The following RBFOX1 variants were observed in gnomAD, a reference collection of about 807,000 sequenced individuals.
RBFOX1 encodes the protein RNA binding protein fox-1 homolog 1.
Under a neutral mutation model 57.7 loss-of-function variants are expected in RBFOX1, and 8 were observed. That is an observed-to-expected ratio of 0.14 (90% CI 0.08 to 0.25). RBFOX1 has a LOEUF of 0.25. RBFOX1 is among the 10% of genes least tolerant of loss of function. The pLI is 1.00. For synonymous variants in RBFOX1, 326 were observed against 222.4 expected, an observed-to-expected ratio of 1.47 and a Z score of -4.15; for missense variants, 611 against 548.5, an observed-to-expected ratio of 1.11 and a Z score of -1.14.
chr16:7,608,011 C>G (rs530312426), intron 10 of RBFOX1, among the ~76,000 whole-genome samples: 8 of 152,160 alleles, frequency 5.3e-5, no homozygotes, highest in Non-Finnish European at 1.0e-4. Flanking sequence ...TTTCATGTCT[C>G]GATGTCCTCG....
intron 3 of RBFOX1, among the ~76,000 whole-genome samples, chr16:6,900,753 C>G (rs970748398): frequency 2.6e-5 from 4 of 152,166 alleles, no homozygotes; most frequent in African/African-American, 4.8e-5. Flanking sequence ...CTGGGATCTT[C>G]TGTCTACGTG....
At chr16:6,210,009 A>G (rs914895691) in intron 1 of RBFOX1, among the ~76,000 whole-genome samples, 2 of 152,054 alleles carry the variant, frequency 1.3e-5, no homozygotes, top group African/African-American at 4.8e-5. Context: ...ATCTAGGAAC[A>G]TGACAAAGTT....
intron 1 of RBFOX1, among the ~76,000 whole-genome samples, chr16:6,148,127 G>T (rs561814968): frequency 6.6e-6 from 1 of 152,170 alleles, no homozygotes; most frequent in South Asian, 2.1e-4. Flanking sequence ...TCAGGAGTTC[G>T]ACACCAGCCC....
intron 4 of RBFOX1, among the ~76,000 whole-genome samples, chr16:7,428,649 G>A (rs1198962697): frequency 2.0e-5 from 3 of 151,648 alleles, no homozygotes; most frequent in Non-Finnish European, 2.9e-5. Context: ...GGGATTACAG[G>A]TGTGAGTCAC....
Position 6,808,049 on chromosome 16 carries a change from A to G in RBFOX1, c.-16+153399A>G, listed in dbSNP as rs140736273. Among the ~76,000 whole-genome samples, 657 of 150,726 alleles carry G rather than the reference A, an allele frequency of 4.4e-3. 6 individuals carry two copies. Among genetic ancestry groups the G allele is most frequent in the South Asian group, 0.022 (105 of 4,778 alleles). On this transcript the variant is annotated intron_variant, in intron 3 of 15. Transcript: ENST00000550418. ...TACCTTGTGTATATGTATATATACT[A>G]TCCTATACAATAGAACTATATATAT...
intron 4 of RBFOX1, among the ~76,000 whole-genome samples, chr16:7,237,879 C>G (rs117851542): frequency 0.029 from 4,489 of 152,258 alleles, 99 homozygotes; most frequent in Non-Finnish European, 0.043. Flanking sequence ...TGGCACACAC[C>G]TGTGAAGCCA....
chr16:7,610,776 T>C (rs552899995), intron 10 of RBFOX1, among the ~76,000 whole-genome samples: 2 of 152,366 alleles, frequency 1.3e-5, no homozygotes, highest in African/African-American at 2.4e-5. Context: ...TTCAGGCACC[T>C]GCATCTATGG....
intron 4 of RBFOX1, among the ~76,000 whole-genome samples, chr16:7,204,674 C>G (rs1312345717): frequency 6.6e-6 from 1 of 152,140 alleles, no homozygotes; most frequent in African/African-American, 2.4e-5. Flanking sequence ...AAGTTCCTCA[C>G]TGTTCTAAGA....
intron 3 of RBFOX1, among the ~76,000 whole-genome samples, chr16:5,801,850 G>C (rs1410359529): frequency 2.0e-5 from 3 of 152,178 alleles, no homozygotes; most frequent in Admixed American, 1.3e-4. Context: ...AGAATGTTCA[G>C]TTTTGCTGGT....
rs143750565 is a variant in RBFOX1 at position 5,786,306 on chromosome 16, C to G, written c.319-80997C>G. ...TCTCTTAGCTCTGGGAAAAATGAACCTCTGACCTCCCAAGTCCAGGATGGG... is the reference window on the plus strand; with the variant it reads ...TCTCTTAGCTCTGGGAAAAATGAACGTCTGACCTCCCAAGTCCAGGATGGG... On this transcript the variant is annotated intron_variant, in intron 3 of 19. Transcript: ENST00000641259. Among the ~76,000 whole-genome samples, 37 of 152,270 alleles carry G rather than the reference C, an allele frequency of 2.4e-4. No individual in the cohort carries two copies. In the East Asian group the frequency reaches 6.7e-3, roughly 28 times the overall value.
intron 3 of RBFOX1, among the ~76,000 whole-genome samples, chr16:5,811,512 A>G (rs1271862762): frequency 2.7e-5 from 4 of 150,180 alleles, no homozygotes; most frequent in Non-Finnish European, 4.4e-5. Flanking sequence ...GTGCAGTGGC[A>G]CAATCTCAGC....
chr16:7,451,112 C>T (rs12927609), intron 4 of RBFOX1, among the ~76,000 whole-genome samples: 1 of 151,870 alleles, frequency 6.6e-6, no homozygotes, highest in Non-Finnish European at 1.5e-5. Context: ...GGTTAAGGCT[C>T]TGGAGGGAGA....
intron 4 of RBFOX1, among the ~76,000 whole-genome samples, chr16:7,295,342 G>A (rs546261161): frequency 3.9e-5 from 6 of 152,208 alleles, no homozygotes; most frequent in East Asian, 1.9e-4. Flanking sequence ...TGTTGGTCTC[G>A]TTTGTGTAAT....
chr16:6,800,162 C>G (rs191589056), intron 3 of RBFOX1, among the ~76,000 whole-genome samples: 1 of 150,688 alleles, frequency 6.6e-6, no homozygotes, highest in Non-Finnish European at 1.5e-5. Flanking sequence ...TTCTTTGCGA[C>G]ATCCAGTTTT....
intron 1 of RBFOX1, among the ~76,000 whole-genome samples, chr16:5,421,228 G>A (rs891861663): frequency 6.6e-6 from 1 of 151,590 alleles, no homozygotes; most frequent in African/African-American, 2.4e-5. Flanking sequence ...GGGTGGTCTC[G>A]AAATCCTGAC....
chr16:6,060,128 T>TGTTTTTTG (rs1301434374), intron 1 of RBFOX1, among the ~76,000 whole-genome samples: 1 of 11,094 alleles, frequency 9.0e-5, no homozygotes, highest in Non-Finnish European at 2.3e-4. Context: ...TAGGGTTTTT[T>TGTTTTTTG]TTTTTTTTTT....
chr16:6,564,169 G>T (rs2097222802), intron 2 of RBFOX1, among the ~76,000 whole-genome samples: 1 of 152,104 alleles, frequency 6.6e-6, no homozygotes, highest in South Asian at 2.1e-4. Flanking sequence ...TAAGCTTGAT[G>T]AGGATAAAAG....
intron 3 of RBFOX1, among the ~76,000 whole-genome samples, chr16:6,918,289 A>T (rs947600631): frequency 6.6e-6 from 1 of 151,928 alleles, no homozygotes; most frequent in Non-Finnish European, 1.5e-5. Flanking sequence ...CTCAAAAAAA[A>T]AAAAAAAGGA....
intron 4 of RBFOX1, among the ~76,000 whole-genome samples, chr16:7,177,576 C>T (rs900112652): frequency 3.3e-5 from 5 of 152,102 alleles, no homozygotes; most frequent in Non-Finnish European, 5.9e-5. Flanking sequence ...TGTGTTTTCA[C>T]AGGCACTACC....
Sources: allele counts gnomAD v4.1 joint callset (sites outside exome capture counted in the v4.1 genomes callset), GRCh38; gene constraint gnomAD v4.1.1; transcripts MANE v1.5; gene names NCBI Gene and HGNC (gene_info 2026-07-23, HGNC 2026-07-21).